ACTR3C: variants seen among roughly 807,000 people sequenced by gnomAD.
ACTR3C encodes actin-related protein 3C.
Under a neutral mutation model 26.3 loss-of-function variants are expected in ACTR3C, and 18 were observed. The observed-to-expected ratio is 0.68, with a 90% confidence interval of 0.47 to 1.01. The LOEUF is 1.01. ACTR3C is among the 50% of genes least tolerant of loss of function. The pLI, the probability that ACTR3C is intolerant of heterozygous loss-of-function variation, is 0.00. For synonymous variants in ACTR3C, 55 were observed against 94.5 expected, an observed-to-expected ratio of 0.58 and a Z score of 2.42; for missense variants, 184 against 250.7, an observed-to-expected ratio of 0.73 and a Z score of 1.80.
At chr7:150,026,098 G>A in the ACTR3C span, among the ~76,000 whole-genome samples, 7 of 152,030 alleles carry the variant, frequency 4.6e-5, no homozygotes, top group Non-Finnish European at 1.5e-5. Context: ...CACACAGAAG[G>A]CAAATGACGT....
chr7:150,041,911 A>C, the ACTR3C span, among the ~76,000 whole-genome samples: 935 of 124,608 alleles, frequency 7.5e-3, 2 homozygotes, highest in Middle Eastern at 0.038. Flanking sequence ...CCTCAGAGCC[A>C]GGGGGGGAAG....
At chr7:150,096,339 A>G in the ACTR3C span, among the ~76,000 whole-genome samples, 5 of 151,242 alleles carry the variant, frequency 3.3e-5, no homozygotes, top group Non-Finnish European at 5.9e-5. Context: ...GTGATTACTC[A>G]GTAAATGTCA....
chr7:150,277,183 A>G (rs1428366000), intron 6 of ACTR3C, among the ~76,000 whole-genome samples: 1 of 152,158 alleles, frequency 6.6e-6, no homozygotes, highest in Non-Finnish European at 1.5e-5. Flanking sequence ...CTTACATTTT[A>G]TAGATAATGT....
chr7:150,265,368 A>C (rs1209789156), intron 6 of ACTR3C, among the ~76,000 whole-genome samples: 1 of 148,834 alleles, frequency 6.7e-6, no homozygotes. Context: ...AATGTAATAG[A>C]TTTTTTTAAA....
the ACTR3C span, among the ~76,000 whole-genome samples, chr7:149,986,328 TGA>T: frequency 6.6e-6 from 1 of 152,220 alleles, no homozygotes; most frequent in Admixed American, 6.5e-5. Context: ...TTGTACCTTA[TGA>T]TAAGGGGTCT....
At chr7:150,247,605 G>A (rs1563142262) in intron 7 of ACTR3C, 36 bp from the exon 8 acceptor site, 1 of 134,376 alleles carries the variant, frequency 7.4e-6, no homozygotes, top group Non-Finnish European at 1.6e-5. Context: ...AGGAAAGAAA[G>A]CAGATTATTT....
the ACTR3C span, among the ~76,000 whole-genome samples, chr7:150,135,871 G>T: frequency 2.2e-5 from 3 of 138,098 alleles, no homozygotes; most frequent in African/African-American, 6.2e-5. Context: ...AAAAGGAAAA[G>T]GAAAAGAAAA....
chr7:150,167,038 T>C, the ACTR3C span, among the ~76,000 whole-genome samples: 18 of 112,036 alleles, frequency 1.6e-4, no homozygotes, highest in Non-Finnish European at 2.1e-4. Flanking sequence ...ATATATATGG[T>C]ATTTCTCTAT....
At chr7:150,070,636 AGATGGGG>A in the ACTR3C span, among the ~76,000 whole-genome samples, 683 of 152,146 alleles carry the variant, frequency 4.5e-3, 8 homozygotes, top group African/African-American at 0.016. Context: ...TTTTTAGTAG[AGATGGGG>A]TTTTGCCATG....
rs374614295 is a variant in ACTR3C, at chr7:150,295,327, T to C, written c.-31A>G. 5 of 1,613,808 alleles carry C rather than the reference T, an allele frequency of 3.1e-6. No individual in the cohort carries two copies. In the African/African-American group the frequency reaches 6.7e-5, roughly 22 times the overall value. ...CTGCAAGATACTCTCTGTTTTCTGG[T>C]GTATTGAGTGGAGGTTCTGTCTGTA... On this transcript the variant is annotated 5_prime_UTR_variant, in exon 2 of 8. Transcript: ENST00000683684.
chr7:150,033,922 G>T, the ACTR3C span, among the ~76,000 whole-genome samples: 1,044 of 131,052 alleles, frequency 8.0e-3, no homozygotes, highest in South Asian at 0.011. Context: ...CGCGAGGGGT[G>T]CCTCCCCCCC....
At chr7:150,180,101 C>G in the ACTR3C span, among the ~76,000 whole-genome samples, 3 of 150,940 alleles carry the variant, frequency 2.0e-5, no homozygotes, top group Non-Finnish European at 4.4e-5. Context: ...GTTAGGAGAT[C>G]AAGATCATCC....
the ACTR3C span, among the ~76,000 whole-genome samples, chr7:149,952,366 T>G: frequency 1.4e-5 from 2 of 147,242 alleles, no homozygotes; most frequent in Non-Finnish European, 2.9e-5. Context: ...AGATGGTTTC[T>G]AAGCCACTGC....
At chr7:149,965,009 G>A in the ACTR3C span, among the ~76,000 whole-genome samples, 18 of 152,100 alleles carry the variant, frequency 1.2e-4, 1 homozygote, top group South Asian at 1.5e-3. Flanking sequence ...TTGTGTGTAT[G>A]TAAGAGTGTA....
chr7:149,890,373 C>T, the ACTR3C span, among the ~76,000 whole-genome samples: 47 of 149,334 alleles, frequency 3.1e-4, no homozygotes, highest in Non-Finnish European at 1.2e-4. Context: ...TATTTCTTCT[C>T]ATTTATCTGT....
the ACTR3C span, among the ~76,000 whole-genome samples, chr7:150,214,017 T>C: frequency 6.8e-6 from 1 of 147,850 alleles, no homozygotes; most frequent in Admixed American, 6.8e-5. Context: ...CCCTGAGTCA[T>C]GCAGGTGCTG....
At chr7:150,158,932 C>G in the ACTR3C span, among the ~76,000 whole-genome samples, 22 of 147,778 alleles carry the variant, frequency 1.5e-4, no homozygotes, top group African/African-American at 5.2e-4. Flanking sequence ...CACACATGTG[C>G]GCAGACACAC....
the ACTR3C span, among the ~76,000 whole-genome samples, chr7:150,033,098 T>C: frequency 2.0e-5 from 3 of 152,268 alleles, no homozygotes; most frequent in East Asian, 3.9e-4. Flanking sequence ...GTGAGCACAT[T>C]GTCAGCCTGA....
the ACTR3C span, among the ~76,000 whole-genome samples, chr7:150,010,616 C>T: frequency 6.6e-6 from 1 of 150,878 alleles, no homozygotes; most frequent in African/African-American, 2.4e-5. Flanking sequence ...ATCGCTTGAA[C>T]CTGGGAGGCA....
Sources: gnomAD v4.1 joint callset for allele counts (sites outside exome capture counted in the v4.1 genomes callset) on GRCh38, gnomAD v4.1.1 for gene constraint, MANE v1.5 for transcripts, NCBI Gene and HGNC (gene_info 2026-07-23, HGNC 2026-07-21) for gene names.